The following SEMA3C variants were observed in gnomAD, a reference collection of about 807,000 sequenced individuals.
SEMA3C encodes semaphorin-3C.
Under a neutral mutation model 89.4 loss-of-function variants are expected in SEMA3C, and 47 were observed. The observed-to-expected ratio is 0.53, with a 90% CI of 0.42 to 0.67. The LOEUF (loss-of-function observed/expected upper bound fraction) is 0.67, where lower values mean the gene tolerates loss of function less well. Ranked by LOEUF, SEMA3C falls within the 30% of genes least tolerant of loss-of-function variation. SEMA3C has a pLI of 0.00. For synonymous variants in SEMA3C, 310 were observed against 320.2 expected, an observed-to-expected ratio of 0.97 and a Z score of 0.34; for missense variants, 839 against 929.1, an observed-to-expected ratio of 0.90 and a Z score of 1.26.
At chr7:80,767,152 G>A (rs1008160591) in intron 12 of SEMA3C, among the ~76,000 whole-genome samples, 1 of 152,122 alleles carries the variant, frequency 6.6e-6, no homozygotes, top group African/African-American at 2.4e-5. Flanking sequence ...ACTTGCGTTG[G>A]TCTCTCACTC....
At chr7:80,873,116 T>C (rs745743236) in intron 2 of SEMA3C, among the ~76,000 whole-genome samples, 14 of 150,448 alleles carry the variant, frequency 9.3e-5, no homozygotes, top group African/African-American at 1.2e-4. Context: ...TTCAGAAGAG[T>C]TGGAAGGACC....
intron 2 of SEMA3C, among the ~76,000 whole-genome samples, chr7:80,843,393 T>C (rs73372987): frequency 0.037 from 5,560 of 152,220 alleles, 221 homozygotes; most frequent in African/African-American, 0.095. Flanking sequence ...TTTTTTAGCT[T>C]AATGCATTTT....
intron 2 of SEMA3C, among the ~76,000 whole-genome samples, chr7:80,873,979 T>G (rs1168350015): frequency 1.3e-5 from 2 of 152,158 alleles, no homozygotes; most frequent in Non-Finnish European, 2.9e-5. Context: ...CAACTCAACT[T>G]ACCTTCTCTT....
At chr7:80,800,316 CAATT>C (rs376405287) in intron 10 of SEMA3C, among the ~76,000 whole-genome samples, 14 of 152,136 alleles carry the variant, frequency 9.2e-5, no homozygotes, top group African/African-American at 2.2e-4. Flanking sequence ...ATACTGTACA[CAATT>C]AATTAATGTA....
At chr7:80,771,357 T>C (rs1788427962) in intron 12 of SEMA3C, among the ~76,000 whole-genome samples, 1 of 152,230 alleles carries the variant, frequency 6.6e-6, no homozygotes, top group Admixed American at 6.5e-5. Flanking sequence ...ATTTGCATAA[T>C]GCAACTCTAT....
intron 10 of SEMA3C, 55 bp downstream of exon 10, chr7:80,800,702 G>A: frequency 1.9e-6 from 2 of 1,039,094 alleles, no homozygotes; most frequent in Non-Finnish European, 2.9e-6. Context: ...AATAATTACT[G>A]TTACTCCATG....
chr7:80,867,597 T>C (rs1361982831), intron 2 of SEMA3C, among the ~76,000 whole-genome samples: 2 of 152,184 alleles, frequency 1.3e-5, no homozygotes, highest in Non-Finnish European at 2.9e-5. Context: ...TGGAAACTGC[T>C]AGTACAGGCA....
At chr7:80,908,031 T>C (rs997346430) in intron 2 of SEMA3C, among the ~76,000 whole-genome samples, 2 of 152,152 alleles carry the variant, frequency 1.3e-5, no homozygotes, top group African/African-American at 4.8e-5. Context: ...ATAATATTTA[T>C]ACAAGCCAAT....
chr7:80,818,746 C>T (rs1306968504), intron 4 of SEMA3C, among the ~76,000 whole-genome samples: 1 of 152,184 alleles, frequency 6.6e-6, no homozygotes, highest in East Asian at 1.9e-4. Context: ...TCCTGGGTTG[C>T]ATGAGGCCCT....
chr7:80,853,363 A>G (rs1339348484), intron 2 of SEMA3C, among the ~76,000 whole-genome samples: 3 of 152,222 alleles, frequency 2.0e-5, no homozygotes, highest in African/African-American at 7.2e-5. Context: ...TTTGAAAGGA[A>G]TCCAAGTGTC....
intron 2 of SEMA3C, among the ~76,000 whole-genome samples, chr7:80,860,032 T>C (rs528736616): frequency 6.6e-6 from 1 of 152,260 alleles, no homozygotes; most frequent in South Asian, 2.1e-4. Flanking sequence ...TAAAAGACTA[T>C]AGAACGACCA....
At chr7:80,831,397 C>G (rs1452030639) in intron 2 of SEMA3C, among the ~76,000 whole-genome samples, 1 of 152,008 alleles carries the variant, frequency 6.6e-6, no homozygotes, top group Non-Finnish European at 1.5e-5. Context: ...TAAAAGAGTC[C>G]CGGAGCTATA....
chr7:80,863,443 G>T (rs1790822727), intron 2 of SEMA3C, among the ~76,000 whole-genome samples: 1 of 151,698 alleles, frequency 6.6e-6, no homozygotes, highest in Non-Finnish European at 1.5e-5. Flanking sequence ...ATGGAAAACA[G>T]TGTAGAGATT....
intron 4 of SEMA3C, among the ~76,000 whole-genome samples, chr7:80,823,740 T>C (rs1158793229): frequency 6.6e-6 from 1 of 152,164 alleles, no homozygotes; most frequent in Non-Finnish European, 1.5e-5. Context: ...TAAATATATA[T>C]AATCCTACTT....
chr7:80,886,392 T>C (rs1201819401), intron 2 of SEMA3C, among the ~76,000 whole-genome samples: 1 of 151,698 alleles, frequency 6.6e-6, no homozygotes, highest in Non-Finnish European at 1.5e-5. Context: ...CTTGCTCTGT[T>C]GCCCAGGATG....
intron 5 of SEMA3C, among the ~76,000 whole-genome samples, chr7:80,813,519 T>C (rs371967575): frequency 6.6e-6 from 1 of 152,206 alleles, no homozygotes; most frequent in East Asian, 1.9e-4. Flanking sequence ...AACTCCTCAC[T>C]ACTAAACACA....
At position 80,893,563 on chromosome 7, in the gene SEMA3C, A is replaced by T. The variant is rs147513978; in HGVS notation, c.103+23116T>A. On this transcript the variant is annotated intron_variant, in intron 2 of 17. Coordinates refer to ENST00000265361, the MANE Select transcript of SEMA3C (RefSeq NM_006379.5). ...GGATTGTAAGTTCATGGCAAGAAAG[A>T]AATTTACCAATTACTGATGTCTGTT... 7.2e-5 allele frequency among the ~76,000 whole-genome samples: 11 copies of T among 152,290 alleles called. No individual in the cohort carries two copies. In the East Asian group the frequency reaches 2.1e-3, roughly 29 times the overall value.
At chr7:80,812,347 T>A (rs1201669063) in intron 5 of SEMA3C, among the ~76,000 whole-genome samples, 1 of 152,162 alleles carries the variant, frequency 6.6e-6, no homozygotes, top group Non-Finnish European at 1.5e-5. Context: ...GACCACGTAG[T>A]TAAAGGCTGA....
At chr7:80,896,681 T>C (rs1791745523) in intron 2 of SEMA3C, among the ~76,000 whole-genome samples, 2 of 152,218 alleles carry the variant, frequency 1.3e-5, no homozygotes, top group African/African-American at 2.4e-5. Context: ...GTCCTGGTTG[T>C]TGTTTCTTCA....
Sources: gnomAD v4.1 joint callset for allele counts (sites outside exome capture counted in the v4.1 genomes callset) on GRCh38, gnomAD v4.1.1 for gene constraint, MANE v1.5 for transcripts, NCBI Gene and HGNC (gene_info 2026-07-23, HGNC 2026-07-21) for gene names.